The following TTC39C variants were observed in gnomAD, a reference collection of about 807,000 sequenced individuals.
TTC39C encodes tetratricopeptide repeat domain 39C, also known as tetratricopeptide repeat protein 39C.
TTC39C carries 33 observed loss-of-function variants against 76.3 expected under a neutral mutation model. The ratio of observed to expected loss-of-function variants is 0.43; its 90% CI spans 0.33 to 0.58. TTC39C has a LOEUF of 0.58. Ranked by LOEUF, TTC39C falls within the 20% of genes least tolerant of loss-of-function variation. The probability of loss-of-function intolerance (pLI) is 0.04; values close to 1 mark genes in which losing one functional copy is unlikely to be tolerated. For missense variants in TTC39C, 595 were observed against 701.4 expected (o/e 0.85, Z 1.71); for synonymous variants, 254 against 260.6 (o/e 0.97, Z 0.24).
Position 24,123,967 on chromosome 18 carries a change from G to C in TTC39C, c.1296+24G>C. 2 of 1,546,914 alleles carry C rather than the reference G, an allele frequency of 1.3e-6. 1 individual carries two copies. Among genetic ancestry groups the C allele is most frequent in the South Asian group, 2.3e-5 (2 of 86,390 alleles). ...AGGTATGTTGGAGCCTATTGATCTG[G>C]TGTATTACTTATGATGGGCATTTGT... is the stretch of plus-strand genomic sequence containing the variant. On this transcript the variant is annotated intron_variant, in intron 9 of 13. Coordinates refer to ENST00000317571, the MANE Select transcript of TTC39C (RefSeq NM_001135993.2).
intron 6 of TTC39C, among the ~76,000 whole-genome samples, chr18:24,109,606 G>A (rs2084787512): frequency 6.6e-6 from 1 of 152,170 alleles, no homozygotes; most frequent in African/African-American, 2.4e-5. Context: ...TCAGAGCACA[G>A]GAAATATGAA....
chr18:24,001,831 T>TG (rs2083313666), intron 1 of TTC39C, among the ~76,000 whole-genome samples: 4 of 44,516 alleles, frequency 9.0e-5, no homozygotes, highest in Non-Finnish European at 2.5e-4. Context: ...CTGTTTTTTT[T>TG]TTTTTTTTTT....
chr18:24,045,925 A>ATT (rs2083873443), intron 1 of TTC39C, among the ~76,000 whole-genome samples: 2 of 26,308 alleles, frequency 7.6e-5, no homozygotes, highest in African/African-American at 3.6e-4. Flanking sequence ...ATATATATAT[A>ATT]TATTTTTTTT....
intron 1 of TTC39C, among the ~76,000 whole-genome samples, chr18:24,043,893 C>T (rs1417202961): frequency 6.6e-6 from 1 of 152,234 alleles, no homozygotes; most frequent in Non-Finnish European, 1.5e-5. Context: ...AAGGGTTTCT[C>T]TAATTCCTAC....
chr18:24,082,191 A>T (rs939682852), intron 5 of TTC39C, among the ~76,000 whole-genome samples: 2 of 151,492 alleles, frequency 1.3e-5, no homozygotes, highest in African/African-American at 4.8e-5. Context: ...TTGTTTACCT[A>T]GTTTAACATG....
chr18:24,063,089 C>T (rs1015000917), intron 1 of TTC39C, among the ~76,000 whole-genome samples: 6 of 152,140 alleles, frequency 3.9e-5, no homozygotes, highest in African/African-American at 4.8e-5. Flanking sequence ...ATCAGTAAAA[C>T]GATTTTCATT....
chr18:24,068,153 T>C (rs1187015356), intron 3 of TTC39C, among the ~76,000 whole-genome samples: 1 of 152,224 alleles, frequency 6.6e-6, no homozygotes, highest in Non-Finnish European at 1.5e-5. Flanking sequence ...GTGTTAATAA[T>C]TAAGATTTGT....
At chr18:24,063,900 A>G (rs746799471) in intron 1 of TTC39C, among the ~76,000 whole-genome samples, 52 of 152,040 alleles carry the variant, frequency 3.4e-4, no homozygotes, top group Admixed American at 2.0e-4. Flanking sequence ...TTATAATTTG[A>G]CTTTTTGTTT....
chr18:24,121,535 C>A (rs559617930), intron 8 of TTC39C, among the ~76,000 whole-genome samples: 1 of 152,022 alleles, frequency 6.6e-6, no homozygotes, highest in Admixed American at 6.5e-5. Flanking sequence ...GCCAAGATCG[C>A]GCCATTGCAC....
At chr18:24,106,007 T>C (rs1201078597) in intron 6 of TTC39C, among the ~76,000 whole-genome samples, 1 of 152,148 alleles carries the variant, frequency 6.6e-6, no homozygotes, top group Admixed American at 6.5e-5. Flanking sequence ...TGGTGTTCTC[T>C]CTTTGAGCTG....
chr18:24,022,205 C>T (rs1218673590), intron 1 of TTC39C, among the ~76,000 whole-genome samples: 2 of 152,142 alleles, frequency 1.3e-5, no homozygotes, highest in East Asian at 1.9e-4. Flanking sequence ...CGCCGGGGGT[C>T]CTGGAACCAA....
intron 1 of TTC39C, among the ~76,000 whole-genome samples, chr18:24,027,890 T>TG (rs34961803): frequency 1 from 152,075 of 152,162 alleles, 75,994 homozygotes; most frequent in Non-Finnish European, 1. Flanking sequence ...CAAGGCTGCA[T>TG]GGGGTGGGCT....
chr18:24,034,780 G>A (rs369961059), intron 1 of TTC39C, among the ~76,000 whole-genome samples: 1 of 152,142 alleles, frequency 6.6e-6, no homozygotes, highest in African/African-American at 2.4e-5. Flanking sequence ...TGTTCATGAG[G>A]TTCATTTATG....
chr18:24,018,625 A>G (rs2083483799), intron 1 of TTC39C, among the ~76,000 whole-genome samples: 1 of 152,088 alleles, frequency 6.6e-6, no homozygotes, highest in Non-Finnish European at 1.5e-5. Flanking sequence ...CTCAGCCTGA[A>G]GGACAGTTTT....
chr18:24,121,225 C>A (rs1436327576), intron 8 of TTC39C, among the ~76,000 whole-genome samples: 1 of 152,158 alleles, frequency 6.6e-6, no homozygotes, highest in South Asian at 2.1e-4. Flanking sequence ...GTTTAGGCCT[C>A]ATATTTTAGG....
upstream of TTC39C, among the ~76,000 whole-genome samples, chr18:24,010,851 C>T (rs1344271297): frequency 6.6e-6 from 1 of 152,066 alleles, no homozygotes; most frequent in Non-Finnish European, 1.5e-5. Flanking sequence ...AGTTTGAGAC[C>T]AGCTTGGACA....
At chr18:24,055,466 G>C (rs2145718254) in intron 1 of TTC39C, among the ~76,000 whole-genome samples, 1 of 152,198 alleles carries the variant, frequency 6.6e-6, no homozygotes, top group Non-Finnish European at 1.5e-5. Context: ...GCTTTGATTT[G>C]CATTTCCCTA....
intron 1 of TTC39C, chr18:24,000,709 G>A (rs1345508299): frequency 1.3e-5 from 2 of 152,148 alleles, no homozygotes; most frequent in Non-Finnish European, 2.9e-5. Context: ...GTCACACAGC[G>A]CTCTGTTCTC....
chr18:24,042,013 T>C (rs1030681893), intron 1 of TTC39C, among the ~76,000 whole-genome samples: 6 of 152,224 alleles, frequency 3.9e-5, no homozygotes, highest in Non-Finnish European at 8.8e-5. Flanking sequence ...TAACAACATA[T>C]AGGTTTCTGT....
Sources: allele counts gnomAD v4.1 joint callset (sites outside exome capture counted in the v4.1 genomes callset), GRCh38; gene constraint gnomAD v4.1.1; transcripts MANE v1.5; gene names NCBI Gene and HGNC (gene_info 2026-07-23, HGNC 2026-07-21).